ZNRF2: variants seen among roughly 807,000 people sequenced by gnomAD.
ZNRF2 encodes the protein zinc and ring finger 2.
A neutral mutation model predicts 20.4 loss-of-function variants in ZNRF2; 16 were observed. The ratio of observed to expected loss-of-function variants is 0.79; its 90% CI spans 0.53 to 1.19. The LOEUF (loss-of-function observed/expected upper bound fraction) is 1.19, where lower values mean the gene tolerates loss of function less well. Among genes scored for constraint, ZNRF2 ranks in the 50% most tolerant of loss-of-function variants. The pLI, the probability that ZNRF2 is intolerant of heterozygous loss-of-function variation, is 0.00. For synonymous variants in ZNRF2, 178 were observed against 144.9 expected (o/e 1.23, Z -1.64); for missense variants, 363 against 332.4 (o/e 1.09, Z -0.72).
chr7:30,337,040 A>G (rs1187239125), intron 2 of ZNRF2, among the ~76,000 whole-genome samples: 1 of 152,254 alleles, frequency 6.6e-6, no homozygotes. Flanking sequence ...TTATTAAAGC[A>G]TCCCTACTGT....
At chr7:30,357,922 T>G (rs151241165) in intron 3 of ZNRF2, among the ~76,000 whole-genome samples, 78 of 152,246 alleles carry the variant, frequency 5.1e-4, no homozygotes, top group African/African-American at 1.8e-3. Context: ...CTCATGAACA[T>G]AGATATAACA....
At chr7:30,356,656 G>A (rs1205344746) in intron 3 of ZNRF2, among the ~76,000 whole-genome samples, 5 of 150,416 alleles carry the variant, frequency 3.3e-5, no homozygotes, top group Admixed American at 3.3e-4. Flanking sequence ...AGCATTATTA[G>A]GGATAGAATT....
intron 1 of ZNRF2, among the ~76,000 whole-genome samples, chr7:30,316,310 A>AAAAAAAAAAAAAAAAAAAAAAAAAAT: frequency 6.7e-6 from 1 of 149,992 alleles, no homozygotes; most frequent in African/African-American, 2.5e-5. Flanking sequence ...AAAAAAAAAA[A>AAAAAAAAAAAAAAAAAAAAAAAAAAT]AAAAAAAAAA....
chr7:30,316,659 C>T (rs55985215), intron 1 of ZNRF2, among the ~76,000 whole-genome samples: 13 of 152,266 alleles, frequency 8.5e-5, no homozygotes, highest in Non-Finnish European at 1.5e-4. Flanking sequence ...AAGTCGCTGT[C>T]ATTTTTAAGT....
At position 30,316,196 on chromosome 7, in the gene ZNRF2, G is replaced by A. The variant is rs1032686967; in HGVS notation, c.470-7446G>A. The stretch of plus-strand genomic sequence containing the variant: ...CCAGCTACTTGGGATGCTGAGGCAG[G>A]AGAACTGCTTGAACCTGGGAAGCGG... On this transcript the variant is annotated intron_variant, in intron 1 of 4. Coordinates refer to ENST00000323037, the MANE Select transcript of ZNRF2 (RefSeq NM_147128.4). Among the ~76,000 whole-genome samples, 7 of 144,718 alleles carry A rather than the reference G, an allele frequency of 4.8e-5. No individual in the cohort carries two copies. In the South Asian group the frequency reaches 1.6e-3, roughly 32 times the overall value. 94.9% of individuals were successfully genotyped at this position (144,718 alleles called of 152,430 possible). A position where few individuals can be genotyped will look rare whatever the true frequency, so the allele number is the denominator to read the frequency against.
chr7:30,342,526 C>T (rs976581430), intron 2 of ZNRF2, among the ~76,000 whole-genome samples: 2 of 152,118 alleles, frequency 1.3e-5, no homozygotes, highest in Non-Finnish European at 1.5e-5. Context: ...GGTTGAAATT[C>T]TTTAAGAATG....
chr7:30,364,494 A>G (rs1238050800), intron 4 of ZNRF2, among the ~76,000 whole-genome samples: 2 of 152,180 alleles, frequency 1.3e-5, no homozygotes, highest in Non-Finnish European at 2.9e-5. Flanking sequence ...ATAAATAAAT[A>G]AATAAAATGT....
At chr7:30,320,418 C>G (rs1257521010) in intron 1 of ZNRF2, among the ~76,000 whole-genome samples, 1 of 151,982 alleles carries the variant, frequency 6.6e-6, no homozygotes, top group Non-Finnish European at 1.5e-5. Context: ...ACTAGTAGTA[C>G]CCACATGCAT....
chr7:30,295,050 A>AGAGAGAGAGAGAGTGT (rs1412764480), intron 1 of ZNRF2, among the ~76,000 whole-genome samples: 9 of 38,280 alleles, frequency 2.4e-4, no homozygotes, highest in South Asian at 1.1e-3. Context: ...AGAGAGAGAG[A>AGAGAGAGAGAGAGTGT]GTGTGTGTGT....
intron 2 of ZNRF2, among the ~76,000 whole-genome samples, chr7:30,326,444 A>G (rs1284749441): frequency 6.6e-6 from 1 of 152,158 alleles, no homozygotes; most frequent in African/African-American, 2.4e-5. Context: ...AGCTCCATCC[A>G]TGTTTCCACA....
chr7:30,297,980 T>G (rs1369867229), intron 1 of ZNRF2, among the ~76,000 whole-genome samples: 1 of 152,130 alleles, frequency 6.6e-6, no homozygotes, highest in Non-Finnish European at 1.5e-5. Flanking sequence ...TCCTCCTGCC[T>G]CAGCCTCTTG....
chr7:30,357,977 A>G (rs527276586), intron 3 of ZNRF2, among the ~76,000 whole-genome samples: 2 of 152,330 alleles, frequency 1.3e-5, no homozygotes, highest in Non-Finnish European at 2.9e-5. Context: ...TAAGTATCTA[A>G]CAATATATAT....
At chr7:30,331,317 T>C (rs1399926955) in intron 2 of ZNRF2, among the ~76,000 whole-genome samples, 1 of 152,082 alleles carries the variant, frequency 6.6e-6, no homozygotes, top group African/African-American at 2.4e-5. Flanking sequence ...GTTAAAATTA[T>C]AAACAGATGA....
At chr7:30,305,340 C>T (rs6968097) in intron 1 of ZNRF2, among the ~76,000 whole-genome samples, 18,562 of 152,080 alleles carry the variant, frequency 0.12, 3,050 homozygotes, top group African/African-American at 0.38. Context: ...TCTAATCTTA[C>T]GTAAAGTTTT....
At position 30,362,809 on chromosome 7, in the gene ZNRF2, G is replaced by C. The variant is rs143561717; in HGVS notation, c.*22+353G>C. Among the ~76,000 whole-genome samples the C allele has an allele frequency of 3.8e-3, 581 of 152,084 alleles. 5 individuals carry two copies. The highest frequency in any genetic ancestry group is 0.013 in the African/African-American group (546 of 41,504). On this transcript the variant is annotated intron_variant, in intron 4 of 4. Coordinates refer to ENST00000323037, the MANE Select transcript of ZNRF2 (RefSeq NM_147128.4). ...GCACACCTGTAATCCGAGCTACTCG[G>C]GAGGCTGAGGTACAAGAATCACTTG...
At chr7:30,326,919 C>T (rs1205870993) in intron 2 of ZNRF2, among the ~76,000 whole-genome samples, 1 of 151,980 alleles carries the variant, frequency 6.6e-6, no homozygotes, top group Non-Finnish European at 1.5e-5. Context: ...TGATTCTTGG[C>T]CACATTTATG....
intron 1 of ZNRF2, among the ~76,000 whole-genome samples, chr7:30,314,823 A>AT (rs549873870): frequency 0.02 from 2,934 of 144,324 alleles, 44 homozygotes; most frequent in South Asian, 0.038. Context: ...GTATGTATGT[A>AT]TTTTTTTTTT....
chr7:30,355,050 TTTTG>T (rs1800015460), intron 2 of ZNRF2, among the ~76,000 whole-genome samples: 1 of 152,240 alleles, frequency 6.6e-6, no homozygotes, highest in African/African-American at 2.4e-5. Context: ...CCATAGAGTT[TTTTG>T]TTTGTTTGTT....
At chr7:30,359,624 A>C (rs760373932) in intron 3 of ZNRF2, among the ~76,000 whole-genome samples, 6 of 152,198 alleles carry the variant, frequency 3.9e-5, no homozygotes, top group Non-Finnish European at 8.8e-5. Flanking sequence ...TCTTAGTTTA[A>C]TTAGACCATG....
Sources: allele counts gnomAD v4.1 joint callset (sites outside exome capture counted in the v4.1 genomes callset), GRCh38; gene constraint gnomAD v4.1.1; transcripts MANE v1.5; gene names NCBI Gene and HGNC (gene_info 2026-07-23, HGNC 2026-07-21).